The following TRAF3 variants were observed in gnomAD, a reference collection of about 807,000 sequenced individuals.
TRAF3 encodes the protein TNF receptor associated factor 3.
TRAF3 carries 13 observed loss-of-function variants against 62.3 expected under a neutral mutation model. That is an observed-to-expected ratio of 0.21 (90% CI 0.14 to 0.33). TRAF3 has a LOEUF of 0.33. TRAF3 is among the 10% of genes least tolerant of loss of function. The pLI, the probability that TRAF3 is intolerant of heterozygous loss-of-function variation, is 1.00. For missense variants in TRAF3, 440 were observed against 741.8 expected (o/e 0.59, Z 4.73); for synonymous variants, 269 against 283.4 (o/e 0.95, Z 0.51).
chr14:102,891,278 G>T, intron 8 of TRAF3, 47 bp from the exon 9 acceptor site: 1 of 1,573,926 alleles, frequency 6.4e-7, no homozygotes, highest in South Asian at 1.1e-5. Context: ...TCTGCCCTTT[G>T]AAATGCAGCG....
chr14:102,872,042 C>T (rs943235911), intron 4 of TRAF3, 74 bp downstream of exon 4: 45 of 1,494,092 alleles, frequency 3.0e-5, no homozygotes, highest in East Asian at 9.1e-5. Context: ...AGTTTGCATT[C>T]GGCACTCTGG....
At chr14:102,812,574 C>T (rs1899251857) in intron 1 of TRAF3, among the ~76,000 whole-genome samples, 2 of 152,216 alleles carry the variant, frequency 1.3e-5, no homozygotes, top group African/African-American at 2.4e-5. Flanking sequence ...TTCCATACTG[C>T]TCTCCATAGT....
intron 9 of TRAF3, among the ~76,000 whole-genome samples, chr14:102,893,939 AATTT>A (rs1182940254): frequency 2.0e-5 from 3 of 152,154 alleles, no homozygotes; most frequent in Non-Finnish European, 4.4e-5. Flanking sequence ...TTAAAATGGG[AATTT>A]ATTTCTTATT....
At chr14:102,854,051 T>C (rs1887214663) in intron 2 of TRAF3, among the ~76,000 whole-genome samples, 1 of 152,206 alleles carries the variant, frequency 6.6e-6, no homozygotes, top group Non-Finnish European at 1.5e-5. Flanking sequence ...TGTGGCCTTT[T>C]GTTTCTGACT....
At chr14:102,795,528 G>T (rs1428157549) in intron 1 of TRAF3, among the ~76,000 whole-genome samples, 1 of 152,078 alleles carries the variant, frequency 6.6e-6, no homozygotes, top group Non-Finnish European at 1.5e-5. Flanking sequence ...TGAATGAGGA[G>T]AGTGAGCTAC....
At chr14:102,784,427 T>C (rs543182134) in intron 1 of TRAF3, among the ~76,000 whole-genome samples, 1 of 152,224 alleles carries the variant, frequency 6.6e-6, no homozygotes, top group Admixed American at 6.5e-5. Context: ...TTCACCACGT[T>C]GGCCAGGCTG....
At chr14:102,840,397 A>AT (rs1886308152) in intron 2 of TRAF3, among the ~76,000 whole-genome samples, 2 of 151,812 alleles carry the variant, frequency 1.3e-5, no homozygotes, top group African/African-American at 4.8e-5. Context: ...CGTCTGGATA[A>AT]TTTTTTATTT....
In TRAF3 at chr14:102,903,642, G is replaced by A. The variant is rs1227213214; in HGVS notation, c.1135+213G>A. On this transcript the variant is annotated intron_variant, in intron 11 of 11. Coordinates refer to ENST00000392745, the MANE Select transcript of TRAF3 (RefSeq NM_145725.3). This position sits in a 1 kb window ranked among gnomAD's most constrained non-coding sequence, Gnocchi z 6.4. ...CCGCGCAGGCTTGTCCCCTCCGTGT[G>A]AGGCCCTACATGGTGTAGAAAGTAG... 2 of 737,632 alleles carry A rather than the reference G, an allele frequency of 2.7e-6. No homozygotes were observed. The highest frequency in any genetic ancestry group is 3.0e-5 in the South Asian group (2 of 67,780). 45.7% of individuals were successfully genotyped at this position (737,632 alleles called of 1,614,324 possible).
chr14:102,902,639 G>A (rs150453016), intron 10 of TRAF3, among the ~76,000 whole-genome samples: 273 of 152,308 alleles, frequency 1.8e-3, no homozygotes, highest in Non-Finnish European at 2.9e-3. Flanking sequence ...TATGGCCCCC[G>A]AGGTATACGA....
chr14:102,884,239 G>A (rs1889234159), intron 6 of TRAF3, among the ~76,000 whole-genome samples: 1 of 152,156 alleles, frequency 6.6e-6, no homozygotes, highest in Admixed American at 6.5e-5. Flanking sequence ...TGCCCTCCAT[G>A]TTCACGTGGC....
rs1286759422 is a variant in TRAF3 at position 102,910,012 on chromosome 14, C to G, written c.*4228C>G. 1.3e-5 allele frequency: 2 copies of G among 152,236 alleles called. No individual in the cohort carries two copies. The highest frequency in any genetic ancestry group is 2.9e-5 in the Non-Finnish European group (2 of 68,102). The allele number at this position is 152,236 out of a possible 1,614,324, so 9.4% of individuals were successfully genotyped here. On this transcript the variant is annotated 3_prime_UTR_variant, in exon 12 of 12. Transcript: ENST00000392745. ...GGGAGGGCCGGGGAGTACACTGATC[C>G]CAACAGCTGGGCTGACACCTCCTTT...
chr14:102,834,700 A>AAAAAG (rs1213839642), intron 2 of TRAF3, among the ~76,000 whole-genome samples: 1 of 151,078 alleles, frequency 6.6e-6, no homozygotes, highest in Admixed American at 6.6e-5. Flanking sequence ...AAAAAAAAAA[A>AAAAAG]AAAAAAAGAA....
chr14:102,905,157 C>G, intron 11 of TRAF3, 56 bp from the exon 12 acceptor site: 1 of 1,548,794 alleles, frequency 6.5e-7, no homozygotes, highest in Non-Finnish European at 8.9e-7. Flanking sequence ...CTTTGCTTTC[C>G]TAACCTCTCT....
At position 102,897,207 on chromosome 14, in the gene TRAF3, T is replaced by G. The variant is rs748929338; in HGVS notation, c.820-54T>G. 1.3e-5 allele frequency: 20 copies of G among 1,517,438 alleles called. No homozygotes were observed. The Admixed American group carries it at 3.4e-4, about 26-fold the overall frequency. The allele number at this position is 1,517,438 out of a possible 1,614,324, so 94.0% of individuals were successfully genotyped here. On this transcript the variant is annotated intron_variant, in intron 9 of 11. Coordinates refer to ENST00000392745, the MANE Select transcript of TRAF3 (RefSeq NM_145725.3). The stretch of plus-strand genomic sequence containing the variant: ...GTGAAAATTTAATTGATATTGTTGT[T>G]AATTAATATGAAAACCACTTTTGGT...
intron 2 of TRAF3, among the ~76,000 whole-genome samples, chr14:102,841,347 G>C (rs554214329): frequency 1.1e-4 from 16 of 152,324 alleles, no homozygotes; most frequent in African/African-American, 3.8e-4. Context: ...AGGCTGGGAG[G>C]AGAACCACCA....
At chr14:102,800,600 C>T (rs1234772725) in intron 1 of TRAF3, among the ~76,000 whole-genome samples, 1 of 151,518 alleles carries the variant, frequency 6.6e-6, no homozygotes, top group Non-Finnish European at 1.5e-5. Flanking sequence ...TTGGCCTGAA[C>T]TTATGTGAGG....
At position 102,889,654 on chromosome 14, in the gene TRAF3, C is replaced by G. The variant is rs1889598136; in HGVS notation, c.726+20C>G. On this transcript the variant is annotated intron_variant, in intron 8 of 11. Transcript: ENST00000392745. ...TTTCAGGTCAGTATCCGACATTTGTCCTTCCCAGTCACTGACATTCTGCCA... is the reference window on the plus strand; with the variant it reads ...TTTCAGGTCAGTATCCGACATTTGTGCTTCCCAGTCACTGACATTCTGCCA... The G allele has an allele frequency of 1.2e-6, 2 of 1,613,354 alleles. No homozygotes were observed. Among genetic ancestry groups the G allele is most frequent in the Admixed American group, 1.7e-5 (1 of 60,002 alleles).
intron 10 of TRAF3, among the ~76,000 whole-genome samples, chr14:102,902,736 G>A (rs1255464893): frequency 6.6e-6 from 1 of 152,220 alleles, no homozygotes; most frequent in Admixed American, 6.5e-5. Flanking sequence ...ACACATGGGA[G>A]TGTGAGGGTG....
At chr14:102,820,596 ATATATATATATATATATATTTTTTTT>A (rs1899868991) in intron 1 of TRAF3, among the ~76,000 whole-genome samples, 1 of 11,376 alleles carries the variant, frequency 8.8e-5, no homozygotes, top group Non-Finnish European at 1.7e-4. Context: ...ATATATATAT[ATATATATATATATATATATTTTTTTT>A]TTTTTTTTTT....
Sources: gnomAD v4.1 joint callset for allele counts (sites outside exome capture counted in the v4.1 genomes callset) on GRCh38, gnomAD v4.1.1 for gene constraint, Gnocchi (gnomAD v3.1) non-coding constraint, MANE v1.5 for transcripts, NCBI Gene and HGNC (gene_info 2026-07-23, HGNC 2026-07-21) for gene names.